DCAF13: variants seen among roughly 807,000 people sequenced by gnomAD.
DCAF13 encodes DDB1- and CUL4-associated factor 13.
In DCAF13, 38 loss-of-function variants were observed where a neutral mutation model predicts 59.0. The ratio of observed to expected loss-of-function variants is 0.64; its 90% confidence interval spans 0.50 to 0.84. The LOEUF is 0.84. DCAF13 is among the 40% of genes least tolerant of loss of function. DCAF13 has a pLI of 0.00. For synonymous variants in DCAF13, 173 were observed against 175.0 expected (o/e 0.99, Z 0.09); for missense variants, 469 against 558.4 (o/e 0.84, Z 1.61).
At chr8:103,432,596 T>A in intron 6 of DCAF13, 63 bp from the exon 7 acceptor site, 1 of 1,053,412 alleles carries the variant, frequency 9.5e-7, no homozygotes, top group Non-Finnish European at 1.5e-6. Flanking sequence ...AAATATTTGC[T>A]TAAATCAGTG....
Position 103,430,698 on chromosome 8 carries a change from C to T in DCAF13, c.702+9C>T. On this transcript the variant is annotated intron_variant, in intron 6 of 10. Transcript: ENST00000612750. ...CTACTCCTTTGAAAAAGGTGAGTTT[C>T]AGTTTTGACTTTTGCTTTATACAGT... The T allele has an allele frequency of 6.2e-7, 1 of 1,603,662 alleles. No homozygotes were observed. The highest frequency in any genetic ancestry group is 1.1e-5 in the South Asian group (1 of 89,772).
At chr8:103,442,683 T>G in intron 10 of DCAF13, 112 bp from the exon 11 acceptor site, 1 of 621,920 alleles carries the variant, frequency 1.6e-6, no homozygotes. Context: ...GTGAAAATAT[T>G]TTTTTAAATA....
chr8:103,440,377 A>G, intron 9 of DCAF13, 106 bp downstream of exon 9: 1 of 1,011,758 alleles, frequency 9.9e-7, no homozygotes, highest in Non-Finnish European at 1.4e-6. Flanking sequence ...TTTTGATTAA[A>G]TTGACATAGC....
Position 103,432,931 on chromosome 8 carries a change from T to A in DCAF13, c.785+190T>A, listed in dbSNP as rs79118126. ...AGAAAAGTATTTATTTCGTCAGTATTTAGAATGATGTAGACCAGGGACAGT... is the reference window on the plus strand; with the variant it reads ...AGAAAAGTATTTATTTCGTCAGTATATAGAATGATGTAGACCAGGGACAGT... On this transcript the variant is annotated intron_variant, in intron 7 of 10. Transcript: ENST00000612750. Among the ~76,000 whole-genome samples, 645 of 152,266 alleles carry A rather than the reference T, an allele frequency of 4.2e-3. 6 individuals are homozygous for A. The highest frequency in any genetic ancestry group is 0.015 in the African/African-American group (604 of 41,560).
intron 3 of DCAF13, among the ~76,000 whole-genome samples, chr8:103,423,684 A>G (rs1298548457): frequency 2.6e-5 from 4 of 152,228 alleles, no homozygotes; most frequent in Non-Finnish European, 5.9e-5. Flanking sequence ...TCACCACAAA[A>G]TAATAAGTAT....
intron 7 of DCAF13, among the ~76,000 whole-genome samples, chr8:103,435,173 AT>A (rs1433909033): frequency 2.6e-5 from 4 of 152,156 alleles, no homozygotes; most frequent in Admixed American, 1.3e-4. Context: ...ATTTTCAAAG[AT>A]TGTTTAATAA....
chr8:103,422,173 G>T lies in DCAF13; in HGVS notation c.378+1091G>T, dbSNP rs545762886. Among the ~76,000 whole-genome samples the T allele has an allele frequency of 2.0e-4, 30 of 152,300 alleles. 1 individual carries two copies. The East Asian group carries it at 5.2e-3, about 26-fold the overall frequency. On this transcript the variant is annotated intron_variant, in intron 3 of 10. Coordinates refer to ENST00000612750, the MANE Select transcript of DCAF13 (RefSeq NM_015420.7). ...CTGAGAGGTGCCTGGGAAGAGGTTG[G>T]TTCCTGTTGCTGAGGAGTACCAGCA...
chr8:103,432,119 T>C (rs1816873010), intron 6 of DCAF13, among the ~76,000 whole-genome samples: 4 of 152,164 alleles, frequency 2.6e-5, no homozygotes, highest in Non-Finnish European at 2.9e-5. Flanking sequence ...TCAGGGATTG[T>C]AGTCCCCTAC....
chr8:103,415,406 T>G lies in DCAF13; in HGVS notation c.-41T>G. On this transcript the variant is annotated 5_prime_UTR_variant, in exon 1 of 11. Transcript: ENST00000612750. ...AGGAGGTGGCGGTGGGCGGAACTCC[T>G]AGCGGACACCTCGTGGAGTCCGGCC... 6.2e-7 allele frequency: 1 copy of G among 1,614,004 alleles called. No homozygotes were observed. The highest frequency in any genetic ancestry group is 1.1e-5 in the South Asian group (1 of 91,068).
In DCAF13 at chr8:103,426,151, A is replaced by G. The variant is rs1190333509; in HGVS notation, c.468+6A>G. 1 of 1,568,028 alleles carries G rather than the reference A, an allele frequency of 6.4e-7. No individual in the cohort carries two copies. The highest frequency in any genetic ancestry group is 1.7e-5 in the Admixed American group (1 of 58,984). ...TACATACAATATTAGGAAAGGTACA[A>G]AAGTAAATTGACTAATAGCTTGCCT... On this transcript the variant is annotated splice_donor_region_variant and intron_variant, in intron 4 of 10. Coordinates refer to ENST00000612750, the MANE Select transcript of DCAF13 (RefSeq NM_015420.7).
At chr8:103,433,487 A>G (rs10112317) in intron 7 of DCAF13, among the ~76,000 whole-genome samples, 35,274 of 151,826 alleles carry the variant, frequency 0.23, 4,357 homozygotes, top group Middle Eastern at 0.32. Context: ...GATTCTTAAT[A>G]CATGTTTTTT....
At chr8:103,418,010 C>T (rs923261447) in intron 1 of DCAF13, among the ~76,000 whole-genome samples, 4 of 151,814 alleles carry the variant, frequency 2.6e-5, no homozygotes, top group Non-Finnish European at 4.4e-5. Context: ...TGCCTGTAGT[C>T]CCAGCTACTC....
At chr8:103,418,827 TA>T (rs1586124833) in intron 1 of DCAF13, among the ~76,000 whole-genome samples, 4 of 7,562 alleles carry the variant, frequency 5.3e-4, no homozygotes, top group South Asian at 4.5e-3. Context: ...AGCATAATTA[TA>T]TATATATATA....
In DCAF13 at chr8:103,443,006, T is replaced by G. The variant is rs1003864919; in HGVS notation, c.*124T>G. 2 of 584,152 alleles carry G rather than the reference T, an allele frequency of 3.4e-6. No individual in the cohort carries two copies. The highest frequency in any genetic ancestry group is 5.7e-6 in the Non-Finnish European group (2 of 353,224). 36.2% of individuals were successfully genotyped at this position (584,152 alleles called of 1,614,324 possible). ...TAGTTATATGTGTAGAGCTTTATTGTTACTCCTTTTAGCTACCCTGAAAAA... is the reference window on the plus strand; with the variant it reads ...TAGTTATATGTGTAGAGCTTTATTGGTACTCCTTTTAGCTACCCTGAAAAA... On this transcript the variant is annotated 3_prime_UTR_variant, in exon 11 of 11. Transcript: ENST00000612750.
intron 8 of DCAF13, chr8:103,439,933 G>C: frequency 2.9e-6 from 1 of 343,940 alleles, no homozygotes; most frequent in African/African-American, 2.1e-5. Flanking sequence ...TAAGTTCTCT[G>C]AGAGCAGAAA....
chr8:103,437,915 T>C (rs1816953064), intron 8 of DCAF13, among the ~76,000 whole-genome samples: 1 of 152,170 alleles, frequency 6.6e-6, no homozygotes, highest in Admixed American at 6.5e-5. Context: ...ATGGAAAAAT[T>C]AGTGTGACTG....
rs1368496991 is a variant in DCAF13 at position 103,443,418 on chromosome 8, A to G, written c.*536A>G. 4 of 152,054 alleles carry G rather than the reference A, an allele frequency of 2.6e-5. No individual in the cohort carries two copies. Among genetic ancestry groups the G allele is most frequent in the African/African-American group, 9.6e-5 (4 of 41,454 alleles). The allele number at this position is 152,054 out of a possible 1,614,324, so 9.4% of individuals were successfully genotyped here. On this transcript the variant is annotated 3_prime_UTR_variant, in exon 11 of 11. Transcript: ENST00000612750. ...TATAAATAATAATATAATTTGGGTC[A>G]AGTTAAGATATTAAAAGTTCCTTTC...
intron 3 of DCAF13, among the ~76,000 whole-genome samples, chr8:103,424,610 C>T (rs540064704): frequency 1.3e-5 from 2 of 152,270 alleles, no homozygotes; most frequent in South Asian, 2.1e-4. Flanking sequence ...ATTGGTGGTC[C>T]GCTGAGGTTT....
At chr8:103,419,461 A>T (rs1318084453) in intron 1 of DCAF13, among the ~76,000 whole-genome samples, 1 of 152,222 alleles carries the variant, frequency 6.6e-6, no homozygotes, top group Non-Finnish European at 1.5e-5. Flanking sequence ...AAGTAAACAA[A>T]CATAGAAAGT....
Sources: gnomAD v4.1 joint callset for allele counts (sites outside exome capture counted in the v4.1 genomes callset) on GRCh38, gnomAD v4.1.1 for gene constraint, MANE v1.5 for transcripts, NCBI Gene and HGNC (gene_info 2026-07-23, HGNC 2026-07-21) for gene names.